Variants in CDKAL1 observed in about 807,000 individuals in gnomAD.
The protein encoded by CDKAL1 is threonylcarbamoyladenosine tRNA methylthiotransferase.
A neutral mutation model predicts 68.2 loss-of-function variants in CDKAL1; 32 were observed. The ratio of observed to expected loss-of-function variants is 0.47; its 90% confidence interval spans 0.35 to 0.63. CDKAL1 has a LOEUF of 0.63. Ranked by LOEUF, CDKAL1 falls within the 30% of genes least tolerant of loss-of-function variation. The pLI, the probability that CDKAL1 is intolerant of heterozygous loss-of-function variation, is 0.00. For missense variants in CDKAL1, 606 were observed against 696.7 expected (o/e 0.87, Z 1.47); for synonymous variants, 234 against 244.3 (o/e 0.96, Z 0.39).
At chr6:20,545,497 T>C (rs1319543539) in intron 2 of CDKAL1, among the ~76,000 whole-genome samples, 1 of 152,060 alleles carries the variant, frequency 6.6e-6, no homozygotes, top group Non-Finnish European at 1.5e-5. Context: ...AGTGCAGTGG[T>C]GCACTCTCGA....
intron 4 of CDKAL1, among the ~76,000 whole-genome samples, chr6:20,594,929 A>T (rs1765755190): frequency 6.6e-6 from 1 of 152,174 alleles, no homozygotes; most frequent in African/African-American, 2.4e-5. Context: ...TTCACTTATG[A>T]AGCTTAGTTT....
intron 10 of CDKAL1, 79 bp from the exon 11 acceptor site, chr6:21,000,148 C>A (rs192542911): frequency 2.8e-6 from 3 of 1,088,840 alleles, no homozygotes; most frequent in Non-Finnish European, 4.1e-6. Flanking sequence ...TATTTGCTTG[C>A]GCTTGTGGTG....
intron 9 of CDKAL1, among the ~76,000 whole-genome samples, chr6:20,906,946 T>C (rs1156950956): frequency 6.6e-6 from 1 of 152,210 alleles, no homozygotes; most frequent in African/African-American, 2.4e-5. Flanking sequence ...ATAACAGATA[T>C]ATAACACATT....
At chr6:20,884,133 A>G (rs1245125696) in intron 9 of CDKAL1, among the ~76,000 whole-genome samples, 9 of 152,230 alleles carry the variant, frequency 5.9e-5, no homozygotes, top group Non-Finnish European at 1.2e-4. Flanking sequence ...AGTGGGATTT[A>G]TCCAAGGAAT....
At chr6:21,192,940 C>T (rs1778319868) in intron 13 of CDKAL1, among the ~76,000 whole-genome samples, 1 of 151,656 alleles carries the variant, frequency 6.6e-6, no homozygotes, top group African/African-American at 2.4e-5. Flanking sequence ...CCTTAGTGTT[C>T]CAAGTAGCTG....
intron 5 of CDKAL1, among the ~76,000 whole-genome samples, chr6:20,662,526 G>A (rs1478770928): frequency 1.3e-5 from 2 of 152,078 alleles, no homozygotes; most frequent in African/African-American, 2.4e-5. Flanking sequence ...GCACTTTTGT[G>A]GGTGTTAGAG....
chr6:20,976,238 T>C lies in CDKAL1; in HGVS notation c.909+20653T>C, dbSNP rs144184189. On this transcript the variant is annotated intron_variant, in intron 10 of 15. Coordinates refer to ENST00000274695, the MANE Select transcript of CDKAL1 (RefSeq NM_017774.3). ...GCTGAATAATATTCCATTGTCTGAA[T>C]GTATCACAACTTATCACTATAGTAG... Among the ~76,000 whole-genome samples, 351 of 152,368 alleles carry C rather than the reference T, an allele frequency of 2.3e-3. 1 individual carries two copies. Among genetic ancestry groups the C allele is most frequent in the African/African-American group, 8.0e-3 (334 of 41,600 alleles).
At chr6:20,745,670 TTCAAATTGC>T (rs2150332339) in intron 6 of CDKAL1, among the ~76,000 whole-genome samples, 1 of 152,240 alleles carries the variant, frequency 6.6e-6, no homozygotes, top group East Asian at 1.9e-4. Context: ...ATTGCGTGGG[TTCAAATTGC>T]TGATCTCAAA....
At chr6:21,154,440 C>G (rs1776549667) in intron 13 of CDKAL1, among the ~76,000 whole-genome samples, 1 of 152,140 alleles carries the variant, frequency 6.6e-6, no homozygotes, top group African/African-American at 2.4e-5. Context: ...ATGTTTAACT[C>G]CATATGTCAT....
chr6:21,192,003 T>C (rs1459399875), intron 13 of CDKAL1, among the ~76,000 whole-genome samples: 9 of 60,574 alleles, frequency 1.5e-4, no homozygotes, highest in African/African-American at 4.3e-4. Context: ...TTTTTTTTTT[T>C]TTTTTTTTTT....
chr6:21,117,254 G>C (rs963074539), intron 13 of CDKAL1, among the ~76,000 whole-genome samples: 3 of 151,276 alleles, frequency 2.0e-5, no homozygotes, highest in African/African-American at 7.3e-5. Context: ...TAAAAATAAG[G>C]GACACCCCCT....
At chr6:20,997,358 G>A (rs78680014) in intron 10 of CDKAL1, among the ~76,000 whole-genome samples, 1 of 152,246 alleles carries the variant, frequency 6.6e-6, no homozygotes, top group Admixed American at 6.5e-5. Flanking sequence ...TACATACTTT[G>A]TCTCCTTGGG....
chr6:20,974,978 C>CAAA lies in CDKAL1; in HGVS notation c.909+19414_909+19416dup, dbSNP rs11330322. Among the ~76,000 whole-genome samples the CAAA allele has an allele frequency of 7.9e-5, 5 of 62,898 alleles. 1 individual carries two copies. The highest frequency in any genetic ancestry group is 1.2e-4 in the Non-Finnish European group (4 of 34,058). The allele number at this position is 62,898 out of a possible 152,430, so 41.3% of individuals were successfully genotyped here. The stretch of plus-strand genomic sequence containing the variant: ...TGGGTGACAGAGGCAGACCCTATCT[C>CAAA]AAAAAAAAAAAAAAAAAAAAAAAGG... On this transcript the variant is annotated intron_variant, in intron 10 of 15. Coordinates refer to ENST00000274695, the MANE Select transcript of CDKAL1 (RefSeq NM_017774.3).
At chr6:20,899,787 G>A (rs1761873927) in intron 9 of CDKAL1, among the ~76,000 whole-genome samples, 1 of 152,174 alleles carries the variant, frequency 6.6e-6, no homozygotes, top group Admixed American at 6.5e-5. Flanking sequence ...AGGTTGCAGT[G>A]AGTCAAGATC....
chr6:20,816,758 G>A (rs1777063833), intron 8 of CDKAL1, among the ~76,000 whole-genome samples: 1 of 151,898 alleles, frequency 6.6e-6, no homozygotes, highest in Admixed American at 6.6e-5. Context: ...GACATTCCTG[G>A]TGCTCATCCT....
In CDKAL1 at chr6:21,200,948, A is replaced by G. The variant is rs143965656; in HGVS notation, c.1384-162A>G. ...CAATTTGGGTTCATTAATTGTGGCA[A>G]AAGTGCTATACTAATGTAAGACGGT... On this transcript the variant is annotated intron_variant, in intron 14 of 15. Transcript: ENST00000274695. 346 of 518,220 alleles carry G rather than the reference A, an allele frequency of 6.7e-4. 2 individuals carry two copies. The highest frequency in any genetic ancestry group is 5.8e-3 in the African/African-American group (305 of 52,222). 32.1% of individuals were successfully genotyped at this position (518,220 alleles called of 1,614,324 possible).
intron 13 of CDKAL1, among the ~76,000 whole-genome samples, chr6:21,182,938 A>G (rs900589506): frequency 9.2e-5 from 14 of 152,208 alleles, no homozygotes; most frequent in African/African-American, 3.4e-4. Context: ...GCTTAAAAAA[A>G]TCATTATCAT....
intron 8 of CDKAL1, among the ~76,000 whole-genome samples, chr6:20,787,337 ATGT>A (rs2150385100): frequency 6.6e-6 from 1 of 152,296 alleles, no homozygotes; most frequent in East Asian, 1.9e-4. Flanking sequence ...TATGTCTGTA[ATGT>A]ACAAAATTTA....
At chr6:20,659,234 A>G (rs1357221182) in intron 5 of CDKAL1, among the ~76,000 whole-genome samples, 1 of 152,210 alleles carries the variant, frequency 6.6e-6, no homozygotes, top group Non-Finnish European at 1.5e-5. Flanking sequence ...AGATGATGCA[A>G]GTTATTTGAG....
Sources: gnomAD v4.1 joint callset for allele counts (sites outside exome capture counted in the v4.1 genomes callset) on GRCh38, gnomAD v4.1.1 for gene constraint, MANE v1.5 for transcripts, NCBI Gene and HGNC (gene_info 2026-07-23, HGNC 2026-07-21) for gene names.